The following ZDHHC14 variants were observed in gnomAD, a reference collection of about 807,000 sequenced individuals.
The protein encoded by ZDHHC14 is palmitoyltransferase ZDHHC14.
In ZDHHC14, 16 loss-of-function variants were observed where a neutral mutation model predicts 47.7. The observed-to-expected ratio is 0.34, with a 90% CI of 0.23 to 0.51. The LOEUF is 0.51. Ranked by LOEUF, ZDHHC14 falls within the 20% of genes least tolerant of loss-of-function variation. The pLI, the probability that ZDHHC14 is intolerant of heterozygous loss-of-function variation, is 0.97. For missense variants in ZDHHC14, 515 were observed against 662.5 expected (o/e 0.78, Z 2.44); for synonymous variants, 293 against 278.9 (o/e 1.05, Z -0.50).
chr6:157,526,250 A>C (rs2114775066), intron 1 of ZDHHC14, among the ~76,000 whole-genome samples: 1 of 152,336 alleles, frequency 6.6e-6, no homozygotes, highest in Admixed American at 6.5e-5. Flanking sequence ...CACTACAATA[A>C]GACTATCATG....
intron 2 of ZDHHC14, among the ~76,000 whole-genome samples, chr6:157,559,216 G>A (rs1292038159): frequency 6.6e-6 from 1 of 152,214 alleles, no homozygotes; most frequent in African/African-American, 2.4e-5. Flanking sequence ...TCACGAGGAT[G>A]TGGTGGTCGG....
chr6:157,487,535 A>G (rs1368709287), intron 1 of ZDHHC14, among the ~76,000 whole-genome samples: 1 of 152,186 alleles, frequency 6.6e-6, no homozygotes, highest in Non-Finnish European at 1.5e-5. Context: ...CAACCCTCTT[A>G]AGTAGAAATG....
At chr6:157,383,179 A>T (rs978439637) in intron 1 of ZDHHC14, among the ~76,000 whole-genome samples, 9 of 152,250 alleles carry the variant, frequency 5.9e-5, no homozygotes, top group African/African-American at 2.2e-4. Flanking sequence ...GTTAAACCAC[A>T]TTCCAATCAA....
At chr6:157,588,826 T>TTCAA (rs1339218907) in intron 2 of ZDHHC14, among the ~76,000 whole-genome samples, 2 of 152,060 alleles carry the variant, frequency 1.3e-5, no homozygotes, top group Non-Finnish European at 2.9e-5. Context: ...ACCTGAAAGT[T>TTCAA]TCAATCACTG....
intron 1 of ZDHHC14, among the ~76,000 whole-genome samples, chr6:157,530,945 A>T (rs1781341103): frequency 6.6e-6 from 1 of 152,228 alleles, no homozygotes; most frequent in African/African-American, 2.4e-5. Context: ...AACATTGTAA[A>T]GCAAAATTTA....
chr6:157,637,547 T>C (rs187900174), intron 5 of ZDHHC14, among the ~76,000 whole-genome samples: 1 of 152,318 alleles, frequency 6.6e-6, no homozygotes, highest in Admixed American at 6.5e-5. Context: ...GCCCACGCTT[T>C]GTCCTCTCCA....
intron 2 of ZDHHC14, among the ~76,000 whole-genome samples, chr6:157,560,609 T>C (rs4509149): frequency 0.22 from 33,722 of 152,178 alleles, 4,063 homozygotes; most frequent in Middle Eastern, 0.35. Flanking sequence ...TCTCTGTACG[T>C]TTCTGATATT....
chr6:157,411,860 C>T (rs149181233), intron 1 of ZDHHC14, among the ~76,000 whole-genome samples: 1,957 of 151,442 alleles, frequency 0.013, 17 homozygotes, highest in Non-Finnish European at 0.018. Context: ...ATTAGTGTGA[C>T]ATCGGGAAGG....
chr6:157,606,280 A>G (rs377308624), intron 3 of ZDHHC14, among the ~76,000 whole-genome samples: 1 of 152,100 alleles, frequency 6.6e-6, no homozygotes, highest in African/African-American at 2.4e-5. Flanking sequence ...GCCATGGCCA[A>G]CATGGTAAAA....
intron 8 of ZDHHC14, among the ~76,000 whole-genome samples, chr6:157,661,854 C>T (rs1034609271): frequency 2.1e-4 from 32 of 152,310 alleles, no homozygotes; most frequent in African/African-American, 7.2e-4. Context: ...GACGGAGTCT[C>T]GCTGTGTCGC....
At position 157,501,316 on chromosome 6, in the gene ZDHHC14, T is replaced by C. The variant is rs182667903; in HGVS notation, c.246-41269T>C. On this transcript the variant is annotated intron_variant, in intron 1 of 8. Transcript: ENST00000359775. Reference sequence around the variant, plus strand: ...GGTTTCTAAATTTGTCTAAGACAACTATGCAATTGTTTAGGGTGCTTTTGT... The same window carrying C: ...GGTTTCTAAATTTGTCTAAGACAACCATGCAATTGTTTAGGGTGCTTTTGT... Among the ~76,000 whole-genome samples the C allele has an allele frequency of 4.4e-3, 670 of 152,338 alleles. 5 individuals are homozygous for C. The highest frequency in any genetic ancestry group is 6.6e-3 in the Non-Finnish European group (449 of 68,012).
chr6:157,503,592 G>A (rs1780238583), intron 1 of ZDHHC14, among the ~76,000 whole-genome samples: 1 of 152,120 alleles, frequency 6.6e-6, no homozygotes, highest in Non-Finnish European at 1.5e-5. Context: ...ACTGTCTCCT[G>A]ATGTGTCTTG....
rs1777601011 is a variant in ZDHHC14 at position 157,647,258 on chromosome 6, G to C, written c.856-1G>C. On this transcript the variant is annotated splice_acceptor_variant, in intron 6 of 8. Coordinates refer to ENST00000359775, the MANE Select transcript of ZDHHC14 (RefSeq NM_024630.3). LOFTEE classifies it high-confidence loss of function. ...TGTTACTGACTTTCCTTTTCTTTCA[G>C]ATTAAAGGATCCTGGTCAAATAAAA... is the stretch of plus-strand genomic sequence containing the variant. The C allele has an allele frequency of 6.2e-7, 1 of 1,609,778 alleles. No homozygotes were observed. The highest frequency in any genetic ancestry group is 1.7e-5 in the Admixed American group (1 of 59,954).
chr6:157,593,915 G>A (rs1784016868), intron 3 of ZDHHC14, among the ~76,000 whole-genome samples: 1 of 152,242 alleles, frequency 6.6e-6, no homozygotes, highest in South Asian at 2.1e-4. Context: ...ACACCCAAGT[G>A]ACAGGAAGGG....
At chr6:157,386,554 A>G (rs1777315675) in intron 1 of ZDHHC14, among the ~76,000 whole-genome samples, 2 of 152,142 alleles carry the variant, frequency 1.3e-5, no homozygotes, top group Admixed American at 1.3e-4. Context: ...GAAAGCTACT[A>G]GAAGCAACCA....
chr6:157,606,326 C>T (rs2073946138), intron 3 of ZDHHC14, among the ~76,000 whole-genome samples: 1 of 152,044 alleles, frequency 6.6e-6, no homozygotes, highest in Admixed American at 6.6e-5. Context: ...ATTAGCTGGG[C>T]ATGGTGGTGG....
chr6:157,545,072 A>G (rs764408506), intron 2 of ZDHHC14, among the ~76,000 whole-genome samples: 2 of 152,242 alleles, frequency 1.3e-5, no homozygotes, highest in Non-Finnish European at 1.5e-5. Flanking sequence ...CATTAAAGAC[A>G]TTTGCTAAGG....
At chr6:157,570,538 G>C (rs1024382015) in intron 2 of ZDHHC14, among the ~76,000 whole-genome samples, 3 of 152,124 alleles carry the variant, frequency 2.0e-5, no homozygotes, top group African/African-American at 7.2e-5. Context: ...TTAAAACTTT[G>C]CAAGGACAAA....
At chr6:157,634,186 G>C (rs1201255119) in intron 5 of ZDHHC14, among the ~76,000 whole-genome samples, 1 of 152,086 alleles carries the variant, frequency 6.6e-6, no homozygotes, top group Non-Finnish European at 1.5e-5. Context: ...ATAGGATGTT[G>C]GTTACAGGTC....
Sources: gnomAD v4.1 joint callset for allele counts (sites outside exome capture counted in the v4.1 genomes callset) on GRCh38, gnomAD v4.1.1 for gene constraint, MANE v1.5 for transcripts, NCBI Gene and HGNC (gene_info 2026-07-23, HGNC 2026-07-21) for gene names.